Variants in KANK1 observed in about 807,000 individuals in gnomAD.
The protein encoded by KANK1 is KN motif and ankyrin repeat domain-containing protein 1.
KANK1 carries 109 observed loss-of-function variants against 106.2 expected under a neutral mutation model. The observed-to-expected ratio is 1.03, with a 90% CI of 0.88 to 1.20. The LOEUF (loss-of-function observed/expected upper bound fraction) is 1.20. Among genes scored for constraint, KANK1 ranks in the 50% most tolerant of loss-of-function variants. The pLI is 0.00. For synonymous variants in KANK1, 873 were observed against 652.2 expected (o/e 1.34, Z -5.16); for missense variants, 2,399 against 1,710.7 (o/e 1.40, Z -7.10).
intron 1 of KANK1, among the ~76,000 whole-genome samples, chr9:564,504 A>G (rs562001754): frequency 6.6e-6 from 1 of 152,356 alleles, no homozygotes; most frequent in East Asian, 1.9e-4. Context: ...TCTATTGAGG[A>G]TATATGTTCA....
intron 1 of KANK1, among the ~76,000 whole-genome samples, chr9:598,255 A>T (rs540951000): frequency 6.6e-6 from 1 of 151,670 alleles, no homozygotes; most frequent in South Asian, 2.1e-4. Context: ...ACCGTTTTTG[A>T]TTACTGTAGC....
At chr9:513,194 C>G (rs2059112311) in intron 1 of KANK1, among the ~76,000 whole-genome samples, 1 of 152,194 alleles carries the variant, frequency 6.6e-6, no homozygotes, top group African/African-American at 2.4e-5. Context: ...AACTCAGATA[C>G]CTGTTTGCCT....
intron 1 of KANK1, among the ~76,000 whole-genome samples, chr9:565,460 T>G (rs1817578538): frequency 6.6e-6 from 1 of 152,172 alleles, no homozygotes; most frequent in African/African-American, 2.4e-5. Flanking sequence ...AAGAAAGAGT[T>G]TAATTGACGA....
chr9:637,193 C>G (rs545509230), intron 1 of KANK1, among the ~76,000 whole-genome samples: 1 of 152,188 alleles, frequency 6.6e-6, no homozygotes. Context: ...CTCAAGTTTG[C>G]TATTCCCAGG....
rs146410582 is a variant in KANK1 at position 551,707 on chromosome 9, C to T, written c.-84+46953C>T. Among the ~76,000 whole-genome samples the T allele has an allele frequency of 1.4e-3, 214 of 151,994 alleles. 1 individual carries two copies. The highest frequency in any genetic ancestry group is 4.9e-3 in the African/African-American group (202 of 41,426). ...CTTGCAGTTTAGTAGGGCAGACTGACGACATTAAAAAGATACCATCGGTGT... is the reference window on the plus strand; with the variant it reads ...CTTGCAGTTTAGTAGGGCAGACTGATGACATTAAAAAGATACCATCGGTGT... On this transcript the variant is annotated intron_variant, in intron 1 of 11. Transcript: ENST00000382297.
intron 2 of KANK1, among the ~76,000 whole-genome samples, chr9:695,272 G>A (rs935821595): frequency 1.8e-4 from 27 of 152,176 alleles, no homozygotes; most frequent in African/African-American, 6.0e-4. Flanking sequence ...CGGGAGAGCT[G>A]CAGAATGAGT....
At chr9:664,454 T>C (rs1038252747) in intron 1 of KANK1, among the ~76,000 whole-genome samples, 7 of 152,172 alleles carry the variant, frequency 4.6e-5, no homozygotes, top group Non-Finnish European at 8.8e-5. Flanking sequence ...CCACACTTTC[T>C]TTTTAAATAT....
At chr9:505,860 A>G (rs2058734259) in intron 1 of KANK1, among the ~76,000 whole-genome samples, 1 of 152,186 alleles carries the variant, frequency 6.6e-6, no homozygotes, top group African/African-American at 2.4e-5. Flanking sequence ...CTGGAGCTGA[A>G]TGGAAATGAG....
At chr9:746,095 T>TTAAGCTCTTTTCCTTGTCCCTG (rs566918441) in exon 12 of KANK1, 129 of 152,778 alleles carry the variant, frequency 8.4e-4, no homozygotes, top group African/African-American at 2.9e-3. Flanking sequence ...TAAAATTCCA[T>TTAAGCTCTTTTCCTTGTCCCTG]TAAGCTCTTT....
chr9:536,260 G>C (rs912268182), intron 1 of KANK1, among the ~76,000 whole-genome samples: 5 of 152,154 alleles, frequency 3.3e-5, no homozygotes, highest in Non-Finnish European at 5.9e-5. Context: ...AGAATCACTT[G>C]AAACCCAGGA....
At chr9:624,041 A>G (rs1267986727) in intron 1 of KANK1, among the ~76,000 whole-genome samples, 4 of 152,214 alleles carry the variant, frequency 2.6e-5, no homozygotes, top group Non-Finnish European at 4.4e-5. Context: ...ATAGAATAAT[A>G]TTTAGCCATA....
chr9:614,229 T>G (rs1019694168), intron 1 of KANK1, among the ~76,000 whole-genome samples: 1 of 152,192 alleles, frequency 6.6e-6, no homozygotes, highest in African/African-American at 2.4e-5. Context: ...CAAAAGTGTG[T>G]TTAGCAGATG....
chr9:686,914 C>G, intron 2 of KANK1: 1 of 985,220 alleles, frequency 1.0e-6, no homozygotes, highest in Non-Finnish European at 1.2e-6. Flanking sequence ...TAAACATCTT[C>G]TAGAAAGGTA....
intron 1 of KANK1, among the ~76,000 whole-genome samples, chr9:556,167 AGAG>A (rs1330671109): frequency 6.6e-6 from 1 of 152,246 alleles, no homozygotes; most frequent in Non-Finnish European, 1.5e-5. Context: ...CTTATTTTAA[AGAG>A]GAGGAGAAAT....
At chr9:538,055 G>C (rs1023930811) in intron 1 of KANK1, among the ~76,000 whole-genome samples, 1 of 150,804 alleles carries the variant, frequency 6.6e-6, no homozygotes, top group African/African-American at 2.4e-5. Context: ...TTTCTGTCTT[G>C]GAGCAGAGCT....
intron 1 of KANK1, chr9:674,384 T>TAAAAAAAAAAAA (rs1385322198): frequency 1.4e-5 from 1 of 73,146 alleles, no homozygotes; most frequent in Non-Finnish European, 2.2e-5. Flanking sequence ...AGCAATCTGT[T>TAAAAAAAAAAAA]TAAAAAAAAA....
chr9:662,577 C>T (rs548176050), intron 1 of KANK1, among the ~76,000 whole-genome samples: 2 of 151,910 alleles, frequency 1.3e-5, no homozygotes, highest in East Asian at 3.9e-4. Flanking sequence ...AAAGCATTCC[C>T]TGTTTAATAA....
At chr9:641,665 A>G (rs1162763702) in intron 1 of KANK1, among the ~76,000 whole-genome samples, 3 of 152,318 alleles carry the variant, frequency 2.0e-5, no homozygotes, top group East Asian at 3.9e-4. Flanking sequence ...AGTGAGAAAG[A>G]ACACAGTGAT....
chr9:621,754 A>T (rs1376060493), intron 1 of KANK1, among the ~76,000 whole-genome samples: 1 of 151,924 alleles, frequency 6.6e-6, no homozygotes, highest in East Asian at 1.9e-4. Context: ...CTCAAATCTC[A>T]GTTTCCAGCC....
Sources: gnomAD v4.1 joint callset for allele counts (sites outside exome capture counted in the v4.1 genomes callset) on GRCh38, gnomAD v4.1.1 for gene constraint, MANE v1.5 for transcripts, NCBI Gene and HGNC (gene_info 2026-07-23, HGNC 2026-07-21) for gene names.